Variants in SPHKAP observed in about 807,000 individuals in gnomAD.
SPHKAP encodes the protein SPHK1 interactor, AKAP domain containing, also known as A-kinase anchor protein SPHKAP.
SPHKAP carries 67 observed loss-of-function variants against 137.5 expected under a neutral mutation model. The observed-to-expected ratio is 0.49, with a 90% CI of 0.40 to 0.60. The LOEUF (loss-of-function observed/expected upper bound fraction) is 0.60, where lower values mean the gene tolerates loss of function less well. Ranked by LOEUF, SPHKAP falls within the 20% of genes least tolerant of loss-of-function variation. SPHKAP has a pLI of 0.00. For synonymous variants in SPHKAP, 813 were observed against 785.3 expected (o/e 1.04, Z -0.59); for missense variants, 2,097 against 2,069.3 (o/e 1.01, Z -0.26).
intron 3 of SPHKAP, among the ~76,000 whole-genome samples, chr2:228,040,950 C>A (rs769956670): frequency 1.3e-5 from 2 of 151,998 alleles, no homozygotes; most frequent in Non-Finnish European, 2.9e-5. Flanking sequence ...TGAAAGTAGG[C>A]CCTAAGTAAT....
chr2:228,179,410 C>G (rs1311454982), intron 1 of SPHKAP, among the ~76,000 whole-genome samples: 1 of 152,138 alleles, frequency 6.6e-6, no homozygotes, highest in East Asian at 1.9e-4. Flanking sequence ...TTTTAATTTT[C>G]TTTTTGCATC....
At chr2:228,178,976 G>C (rs1470642304) in intron 1 of SPHKAP, among the ~76,000 whole-genome samples, 1 of 151,282 alleles carries the variant, frequency 6.6e-6, no homozygotes, top group Non-Finnish European at 1.5e-5. Context: ...AAGTATATGA[G>C]TCAAATTTAG....
intron 1 of SPHKAP, among the ~76,000 whole-genome samples, chr2:228,140,832 A>G (rs1397436865): frequency 6.6e-6 from 1 of 151,962 alleles, no homozygotes; most frequent in Non-Finnish European, 1.5e-5. Context: ...TGCTTTTGCC[A>G]TGTGACATGC....
chr2:227,997,992 C>T (rs753861058), intron 7 of SPHKAP, among the ~76,000 whole-genome samples: 1 of 152,078 alleles, frequency 6.6e-6, no homozygotes, highest in Admixed American at 6.6e-5. Context: ...TACTTGCAAG[C>T]TGGTAGTTTT....
chr2:228,074,432 G>A (rs1266471433), intron 3 of SPHKAP, among the ~76,000 whole-genome samples: 1 of 152,138 alleles, frequency 6.6e-6, no homozygotes, highest in Non-Finnish European at 1.5e-5. Context: ...TGAAGGGGAA[G>A]CAAGACACAT....
chr2:228,112,902 G>C (rs1375075900), intron 2 of SPHKAP, among the ~76,000 whole-genome samples: 1 of 152,136 alleles, frequency 6.6e-6, no homozygotes, highest in African/African-American at 2.4e-5. Flanking sequence ...CTCATTCAAT[G>C]AAAAATTCTA....
chr2:228,129,048 C>T (rs1051792085), intron 2 of SPHKAP, among the ~76,000 whole-genome samples: 2 of 152,128 alleles, frequency 1.3e-5, no homozygotes, highest in African/African-American at 2.4e-5. Context: ...ATGGTGTGTC[C>T]TTGGAGCAGT....
chr2:228,047,198 G>GCTAAT (rs1298289529), intron 3 of SPHKAP, among the ~76,000 whole-genome samples: 5 of 152,124 alleles, frequency 3.3e-5, no homozygotes, highest in African/African-American at 1.2e-4. Flanking sequence ...AGGTGCAGTG[G>GCTAAT]CTAATGCCTG....
intron 3 of SPHKAP, among the ~76,000 whole-genome samples, chr2:228,099,311 T>G (rs1179949355): frequency 6.6e-6 from 1 of 152,124 alleles, no homozygotes; most frequent in East Asian, 1.9e-4. Context: ...TGCTTGTTGT[T>G]TTTGTTGAAG....
intron 1 of SPHKAP, among the ~76,000 whole-genome samples, chr2:228,159,781 G>C (rs12622485): frequency 0.47 from 71,974 of 151,922 alleles, 17,365 homozygotes; most frequent in Admixed American, 0.55. Context: ...CCTTCCCTTC[G>C]TCTCTGCTCT....
Position 228,006,986 on chromosome 2 carries a change from A to G in SPHKAP, c.4448+9420T>C, listed in dbSNP as rs564924153. The stretch of plus-strand genomic sequence containing the variant: ...CTCCCAGATAGGCTACTCGGGGGTC[A>G]GGGACCTACTTGAGGAGGCAGTCTG... On this transcript the variant is annotated intron_variant, in intron 7 of 11. Transcript: ENST00000392056. Among the ~76,000 whole-genome samples the G allele has an allele frequency of 3.3e-5, 5 of 152,336 alleles. 1 individual carries two copies. In the South Asian group the frequency reaches 1.0e-3, roughly 32 times the overall value.
chr2:228,033,645 C>G (rs543385988), intron 3 of SPHKAP, among the ~76,000 whole-genome samples: 2 of 152,280 alleles, frequency 1.3e-5, no homozygotes, highest in South Asian at 4.2e-4. Flanking sequence ...CATTCCTCAG[C>G]AAATGTAAAA....
chr2:228,049,764 C>T (rs183103085), intron 3 of SPHKAP, among the ~76,000 whole-genome samples: 6 of 152,276 alleles, frequency 3.9e-5, no homozygotes, highest in Admixed American at 2.6e-4. Flanking sequence ...TTTTATGTTC[C>T]TGCCTTAATT....
At chr2:228,127,944 G>T (rs1204646718) in intron 2 of SPHKAP, among the ~76,000 whole-genome samples, 1 of 152,080 alleles carries the variant, frequency 6.6e-6, no homozygotes, top group Admixed American at 6.6e-5. Flanking sequence ...ATACATTGTA[G>T]CTAAAAAAAA....
intron 3 of SPHKAP, among the ~76,000 whole-genome samples, chr2:228,071,897 A>C (rs976763119): frequency 5.3e-5 from 8 of 152,116 alleles, no homozygotes; most frequent in Admixed American, 6.5e-5. Context: ...GGGCCACTGG[A>C]TGTCCAGATA....
At chr2:228,160,568 G>A (rs1700243870) in intron 1 of SPHKAP, among the ~76,000 whole-genome samples, 1 of 152,148 alleles carries the variant, frequency 6.6e-6, no homozygotes, top group Non-Finnish European at 1.5e-5. Flanking sequence ...GAGAACAGCA[G>A]CATGGGGGGT....
chr2:228,129,064 C>T (rs1330919545), intron 2 of SPHKAP, among the ~76,000 whole-genome samples: 2 of 152,146 alleles, frequency 1.3e-5, no homozygotes, highest in African/African-American at 4.8e-5. Flanking sequence ...GCAGTCAGAG[C>T]ACATACATTT....
At chr2:228,141,591 GC>G (rs1699608284) in intron 1 of SPHKAP, among the ~76,000 whole-genome samples, 1 of 152,118 alleles carries the variant, frequency 6.6e-6, no homozygotes, top group Non-Finnish European at 1.5e-5. Flanking sequence ...CTATTCTTCT[GC>G]TGACTATTAA....
chr2:228,089,677 C>G (rs961984373), intron 3 of SPHKAP, among the ~76,000 whole-genome samples: 1 of 152,212 alleles, frequency 6.6e-6, no homozygotes, highest in African/African-American at 2.4e-5. Context: ...GCACAGGGCA[C>G]CACTGCCCTG....
Sources: gnomAD v4.1 joint callset for allele counts (sites outside exome capture counted in the v4.1 genomes callset) on GRCh38, gnomAD v4.1.1 for gene constraint, MANE v1.5 for transcripts, NCBI Gene and HGNC (gene_info 2026-07-23, HGNC 2026-07-21) for gene names.